Variants in DISC1 observed in about 807,000 individuals in gnomAD.
The protein encoded by DISC1 is disrupted in schizophrenia 1 protein.
DISC1 carries 57 observed loss-of-function variants against 84.5 expected under a neutral mutation model. That is an observed-to-expected ratio of 0.67 (90% confidence interval 0.55 to 0.84). The LOEUF (loss-of-function observed/expected upper bound fraction) is 0.84. Ranked by LOEUF, DISC1 falls within the 40% of genes least tolerant of loss-of-function variation. The pLI is 0.00. For missense variants in DISC1, 1,000 were observed against 1,057.8 expected (o/e 0.95, Z 0.76); for synonymous variants, 411 against 415.2 (o/e 0.99, Z 0.12).
rs142693582 is a variant in DISC1, at chr1:231,965,957, AG to A, written c.2042+7070del. ...TAGACTGTGAGCTCCTTGTAGATGG[AG>A]CCTTTACTTTTCTTATATTCCAAGT... On this transcript the variant is annotated intron_variant, in intron 10 of 12. Coordinates refer to ENST00000439617, the MANE Select transcript of DISC1 (RefSeq NM_018662.3). Among the ~76,000 whole-genome samples the A allele has an allele frequency of 4.9e-3, 739 of 152,254 alleles. 6 individuals carry two copies. The highest frequency in any genetic ancestry group is 0.017 in the African/African-American group (697 of 41,536).
chr1:231,816,754 T>C (rs575337859), intron 8 of DISC1, among the ~76,000 whole-genome samples: 6 of 152,208 alleles, frequency 3.9e-5, no homozygotes, highest in Non-Finnish European at 8.8e-5. Flanking sequence ...ATTCCATCGA[T>C]CTGTTTGTCT....
intron 10 of DISC1, among the ~76,000 whole-genome samples, chr1:231,986,850 G>A (rs1171609772): frequency 2.0e-5 from 3 of 152,140 alleles, no homozygotes; most frequent in African/African-American, 4.8e-5. Context: ...TCAAATGACT[G>A]GCTGAGAGAT....
At chr1:231,901,830 G>A (rs2088204543) in intron 9 of DISC1, among the ~76,000 whole-genome samples, 2 of 152,024 alleles carry the variant, frequency 1.3e-5, no homozygotes, top group Admixed American at 1.3e-4. Context: ...ATCTCTCTCT[G>A]TCAGAAGAGA....
intron 9 of DISC1, among the ~76,000 whole-genome samples, chr1:231,872,502 A>T (rs780464141): frequency 1.2e-4 from 19 of 152,308 alleles, no homozygotes; most frequent in Non-Finnish European, 2.5e-4. Context: ...GAGATGATTC[A>T]GCTTTAAAGT....
chr1:231,652,359 T>G (rs1018996529), intron 1 of DISC1, among the ~76,000 whole-genome samples: 1 of 152,206 alleles, frequency 6.6e-6, no homozygotes, highest in Non-Finnish European at 1.5e-5. Flanking sequence ...TCATGTTATT[T>G]TCTTACCCAT....
At chr1:231,998,878 A>G (rs181579114) in intron 10 of DISC1, among the ~76,000 whole-genome samples, 78 of 152,318 alleles carry the variant, frequency 5.1e-4, no homozygotes, top group African/African-American at 1.8e-3. Flanking sequence ...GCCTCAAAAT[A>G]TATATATCAA....
At chr1:231,825,006 A>G (rs529248198) in intron 9 of DISC1, among the ~76,000 whole-genome samples, 2 of 152,314 alleles carry the variant, frequency 1.3e-5, no homozygotes, top group East Asian at 3.9e-4. Flanking sequence ...TGAATTAGAT[A>G]GTCCCTGTGG....
At chr1:231,868,476 C>G (rs1380654103) in intron 9 of DISC1, among the ~76,000 whole-genome samples, 5 of 152,130 alleles carry the variant, frequency 3.3e-5, no homozygotes, top group African/African-American at 1.2e-4. Flanking sequence ...ATCCTCAAAA[C>G]AGCTGGCAGC....
intron 2 of DISC1, among the ~76,000 whole-genome samples, chr1:231,700,345 G>C (rs998109246): frequency 1.3e-4 from 20 of 152,032 alleles, no homozygotes; most frequent in Admixed American, 1.3e-3. Flanking sequence ...TAATGAATAG[G>C]AAATTTATTT....
chr1:231,941,613 C>G (rs767695429), intron 9 of DISC1, among the ~76,000 whole-genome samples: 142 of 152,094 alleles, frequency 9.3e-4, no homozygotes, highest in Non-Finnish European at 1.1e-3. Flanking sequence ...GCTGGGACTA[C>G]AGGTGCACGC....
chr1:231,784,262 CAAA>C (rs71648875), intron 6 of DISC1, among the ~76,000 whole-genome samples: 16 of 106,116 alleles, frequency 1.5e-4, no homozygotes, highest in African/African-American at 3.3e-4. Flanking sequence ...GACTCCGTCT[CAAA>C]AAAAAAAAAA....
At position 231,674,667 on chromosome 1, in the gene DISC1, A is replaced by T. The variant is rs147935527; in HGVS notation, c.68-19159A>T. 5.9e-5 allele frequency among the ~76,000 whole-genome samples: 9 copies of T among 152,388 alleles called. No individual in the cohort carries two copies. The East Asian group carries it at 1.2e-3, about 20-fold the overall frequency. On this transcript the variant is annotated intron_variant, in intron 1 of 12. Transcript: ENST00000439617. ...GTACATTGAAGCACTTGTTGGGTAC[A>T]CAGAGTACCTGTTGTTAGGTTAAGC...
intron 9 of DISC1, among the ~76,000 whole-genome samples, chr1:231,886,824 T>TTTCTTTCTTTCTTTCC (rs2086790243): frequency 7.7e-6 from 1 of 129,198 alleles, no homozygotes; most frequent in African/African-American, 2.8e-5. Flanking sequence ...TCTTTCTTTC[T>TTTCTTTCTTTCTTTCC]TTCTTTCTTT....
chr1:231,641,631 G>GC lies in DISC1; in HGVS notation c.67+14701dup, dbSNP rs577165001. Among the ~76,000 whole-genome samples, 8 of 152,310 alleles carry GC rather than the reference G, an allele frequency of 5.3e-5. No individual in the cohort carries two copies. In the South Asian group the frequency reaches 1.7e-3, roughly 32 times the overall value. On this transcript the variant is annotated intron_variant, in intron 1 of 12. Coordinates refer to ENST00000439617, the MANE Select transcript of DISC1 (RefSeq NM_018662.3). ...CAGCCTGCTTTTATTCTCTTATCTGGCCCCACCCACATCCTGCTGATTGGT... is the reference window on the plus strand; with the variant it reads ...CAGCCTGCTTTTATTCTCTTATCTGGCCCCCACCCACATCCTGCTGATTGGT...
chr1:231,670,167 C>G (rs1415148434), intron 1 of DISC1, among the ~76,000 whole-genome samples: 1 of 152,040 alleles, frequency 6.6e-6, no homozygotes, highest in Non-Finnish European at 1.5e-5. Context: ...GGTGAGAACA[C>G]ATGGACATAT....
chr1:231,890,762 A>T (rs1347349717), intron 9 of DISC1, among the ~76,000 whole-genome samples: 1 of 152,260 alleles, frequency 6.6e-6, no homozygotes, highest in African/African-American at 2.4e-5. Context: ...AATAAAAAGG[A>T]TAAATAAATG....
chr1:231,997,321 A>G (rs200729130), intron 10 of DISC1, among the ~76,000 whole-genome samples: 1 of 152,212 alleles, frequency 6.6e-6, no homozygotes, highest in South Asian at 2.1e-4. Flanking sequence ...GTTATAAGCT[A>G]GGCTGCTGGC....
At chr1:232,013,357 A>G (rs2103010237) in intron 11 of DISC1, among the ~76,000 whole-genome samples, 1 of 152,308 alleles carries the variant, frequency 6.6e-6, no homozygotes, top group South Asian at 2.1e-4. Flanking sequence ...ACACAGCTGC[A>G]GTGAACGGAA....
chr1:231,652,638 C>T (rs901835369), intron 1 of DISC1, among the ~76,000 whole-genome samples: 2 of 152,188 alleles, frequency 1.3e-5, no homozygotes, highest in African/African-American at 4.8e-5. Flanking sequence ...AGGGAACATC[C>T]TTCTAGAAGG....
Sources: allele counts gnomAD v4.1 joint callset (sites outside exome capture counted in the v4.1 genomes callset), GRCh38; gene constraint gnomAD v4.1.1; transcripts MANE v1.5; gene names NCBI Gene and HGNC (gene_info 2026-07-23, HGNC 2026-07-21).